Variants in PM20D1 observed in about 807,000 individuals in gnomAD.
PM20D1 encodes peptidase M20 domain containing 1, also known as N-fatty-acyl-amino acid synthase/hydrolase PM20D1.
In PM20D1, 53 loss-of-function variants were observed where a neutral mutation model predicts 53.8. The ratio of observed to expected loss-of-function variants is 0.98; its 90% CI spans 0.79 to 1.24. The LOEUF is 1.24. PM20D1 is among the 50% of genes most tolerant of loss of function. The pLI, the probability that PM20D1 is intolerant of heterozygous loss-of-function variation, is 0.00. For synonymous variants in PM20D1, 239 were observed against 241.3 expected (o/e 0.99, Z 0.09); for missense variants, 564 against 616.8 (o/e 0.91, Z 0.91).
intron 10 of PM20D1, 118 bp from the exon 11 acceptor site, chr1:205,832,884 A>T (rs1387439580): frequency 2.5e-6 from 3 of 1,213,184 alleles, no homozygotes; most frequent in Non-Finnish European, 3.3e-6. Flanking sequence ...TACAGACAGG[A>T]CTTATTTTTT....
In PM20D1 at chr1:205,841,816, C is replaced by T. The variant is rs766400133; in HGVS notation, c.1039G>A (p.Val347Ile). ...TTALTIFKAG[V>I]KFNVIPPVAQ... ...GGAGGAACCAGGGATGTTACCTTGA[C>T]CCCTGCTTTGAATATGGTGAGTGCC... Residue 347 changes from valine (V) to isoleucine (I), a missense_variant, in exon 9 of 13, where the codon GTC (valine) becomes ATC (isoleucine). By Grantham distance (29) the Val-to-Ile change is conservative (BLOSUM62 3). Transcript: ENST00000367136. The T allele has an allele frequency of 1.9e-6, 3 of 1,566,660 alleles. No homozygotes were observed. Among genetic ancestry groups the T allele is most frequent in the East Asian group, 4.7e-5 (2 of 42,420 alleles).
intron 4 of PM20D1, among the ~76,000 whole-genome samples, 155 bp downstream of exon 4, chr1:205,844,656 C>G (rs913908284): frequency 6.6e-6 from 1 of 152,152 alleles, no homozygotes; most frequent in Non-Finnish European, 1.5e-5. Flanking sequence ...TGGTCAAGGT[C>G]CTTAGATAGT....
chr1:205,842,103 G>A (rs1656824326), intron 8 of PM20D1, 51 bp downstream of exon 8: 2 of 1,541,294 alleles, frequency 1.3e-6, no homozygotes, highest in Non-Finnish European at 1.8e-6. Context: ...GGCCTGGGGG[G>A]TGGGTAGGTT....
Position 205,836,496 on chromosome 1 carries a change from T to G in PM20D1, c.1117-3730A>C, listed in dbSNP as rs192084651. Among the ~76,000 whole-genome samples, 340 of 152,262 alleles carry G rather than the reference T, an allele frequency of 2.2e-3. 2 individuals are homozygous for G. The highest frequency in any genetic ancestry group is 4.0e-3 in the Non-Finnish European group (272 of 68,010). ...TCTTGCTTATAACTCAGATATGGTG[T>G]CCCGTAATATCTAATCCCTCTCCTT... is the stretch of plus-strand genomic sequence containing the variant. On this transcript the variant is annotated intron_variant, in intron 10 of 12. Coordinates refer to ENST00000367136, the MANE Select transcript of PM20D1 (RefSeq NM_152491.5).
intron 4 of PM20D1, 82 bp from the exon 5 acceptor site, chr1:205,844,299 C>A: frequency 1.4e-6 from 2 of 1,433,964 alleles, no homozygotes; most frequent in Non-Finnish European, 1.8e-6. Context: ...CCTATTCAGC[C>A]TAGCTAGGGG....
intron 11 of PM20D1, 103 bp downstream of exon 11, chr1:205,832,495 G>C: frequency 7.7e-7 from 1 of 1,304,148 alleles, no homozygotes; most frequent in Middle Eastern, 2.6e-4. Context: ...GCAGCCAGCT[G>C]TTTACAGGCT....
intron 2 of PM20D1, among the ~76,000 whole-genome samples, chr1:205,847,098 G>A (rs1657008079): frequency 7.8e-6 from 1 of 127,998 alleles, no homozygotes; most frequent in South Asian, 2.9e-4. Context: ...GCTTACTGCA[G>A]CCTTGAATTC....
chr1:205,844,833 A>T lies in PM20D1; in HGVS notation c.554T>A (p.Ile185Asn). The change falls in exon 4 of 13, where the codon ATT becomes AAT. Residue 185 changes from isoleucine (I) to asparagine (N), a missense_variant. Transcript: ENST00000367136. Reference protein sequence around the residue: ...RKYIPRRSFFISLGHDEESSG... With the variant: ...RKYIPRRSFFNSLGHDEESSG... ...TACCTCCTCATCATGGCCCAGAGAA[A>T]TGAAGAAAGATCTTCGGGGGATGTA... 1 of 1,614,032 alleles carries T rather than the reference A, an allele frequency of 6.2e-7. No individual in the cohort carries two copies. Among genetic ancestry groups the T allele is most frequent in the African/African-American group, 1.3e-5 (1 of 75,062 alleles).
At chr1:205,838,919 C>A (rs980717635) in intron 10 of PM20D1, among the ~76,000 whole-genome samples, 2 of 152,180 alleles carry the variant, frequency 1.3e-5, no homozygotes, top group Non-Finnish European at 2.9e-5. Context: ...CTCTCTTCTC[C>A]ACCCCACGAG....
intron 9 of PM20D1, 52 bp downstream of exon 9, chr1:205,841,759 G>C (rs564736778): frequency 2.7e-6 from 4 of 1,466,374 alleles, no homozygotes; most frequent in South Asian, 1.2e-5. Flanking sequence ...AAGGAAGGGA[G>C]GAGTGGAGGG....
At position 205,830,956 on chromosome 1, in the gene PM20D1, T is replaced by G. The variant is rs952217503; in HGVS notation, c.1286-577A>C. Among the ~76,000 whole-genome samples, 21 of 152,214 alleles carry G rather than the reference T, an allele frequency of 1.4e-4. 1 individual carries two copies. Among genetic ancestry groups the G allele is most frequent in the African/African-American group, 5.1e-4 (21 of 41,450 alleles). On this transcript the variant is annotated intron_variant, in intron 11 of 12. Coordinates refer to ENST00000367136, the MANE Select transcript of PM20D1 (RefSeq NM_152491.5). The stretch of plus-strand genomic sequence containing the variant: ...TCACCTGACCTTTATTCTGTATCAC[T>G]CTAGGTCAGAAATAAATACCCTCTG...
chr1:205,844,557 A>G (rs951734987), intron 4 of PM20D1, among the ~76,000 whole-genome samples: 2 of 152,066 alleles, frequency 1.3e-5, no homozygotes, highest in Non-Finnish European at 2.9e-5. Flanking sequence ...CTTAGGGTAT[A>G]GGTGATGGAC....
At chr1:205,838,585 C>T (rs1656735239) in intron 10 of PM20D1, among the ~76,000 whole-genome samples, 1 of 152,154 alleles carries the variant, frequency 6.6e-6, no homozygotes, top group South Asian at 2.1e-4. Context: ...GCTCTCTGCA[C>T]CTTCTTCCCA....
At chr1:205,832,342 C>T (rs1656578226) in intron 11 of PM20D1, among the ~76,000 whole-genome samples, 1 of 152,154 alleles carries the variant, frequency 6.6e-6, no homozygotes, top group African/African-American at 2.4e-5. Context: ...GCCAATTCTC[C>T]CCTCTATGCC....
chr1:205,838,338 A>T (rs1286615729), intron 10 of PM20D1, among the ~76,000 whole-genome samples: 2 of 152,040 alleles, frequency 1.3e-5, no homozygotes, highest in Non-Finnish European at 2.9e-5. Context: ...TTTACTGTGG[A>T]TGTCAGACAT....
intron 1 of PM20D1, among the ~76,000 whole-genome samples, chr1:205,849,519 A>G (rs1657078553): frequency 2.0e-5 from 3 of 152,084 alleles, no homozygotes; most frequent in Admixed American, 2.0e-4. Context: ...GACTAATATC[A>G]TTTGTCTTAT....
At chr1:205,830,748 C>T (rs1656540061) in intron 11 of PM20D1, among the ~76,000 whole-genome samples, 1 of 151,914 alleles carries the variant, frequency 6.6e-6, no homozygotes, top group Admixed American at 6.6e-5. Flanking sequence ...ATTTCATACC[C>T]AAGGCCATGG....
At chr1:205,846,105 G>A (rs1656950968) in intron 2 of PM20D1, among the ~76,000 whole-genome samples, 1 of 149,862 alleles carries the variant, frequency 6.7e-6, no homozygotes, top group Non-Finnish European at 1.5e-5. Flanking sequence ...AAAAAGACTC[G>A]GCCAGGCGTG....
chr1:205,849,819 C>T (rs1303954800), intron 1 of PM20D1, 85 bp downstream of exon 1: 4 of 1,489,964 alleles, frequency 2.7e-6, no homozygotes, highest in East Asian at 2.4e-5. Context: ...AGATGCTTTG[C>T]GGCGGAAGCG....
Sources: gnomAD v4.1 joint callset for allele counts (sites outside exome capture counted in the v4.1 genomes callset) on GRCh38, gnomAD v4.1.1 for gene constraint, MANE v1.5 for transcripts, NCBI Gene and HGNC (gene_info 2026-07-23, HGNC 2026-07-21) for gene names.